The following ZNF423 variants were observed in gnomAD, a reference collection of about 807,000 sequenced individuals.
ZNF423 encodes the protein Ebf-associated zinc finger protein.
ZNF423 carries 12 observed loss-of-function variants against 95.8 expected under a neutral mutation model. The observed-to-expected ratio is 0.13, with a 90% CI of 0.08 to 0.20. ZNF423 has a LOEUF of 0.20. ZNF423 is among the 10% of genes least tolerant of loss of function. The pLI is 1.00. For missense variants in ZNF423, 1,316 were observed against 1,737.1 expected (o/e 0.76, Z 4.31); for synonymous variants, 749 against 711.9 (o/e 1.05, Z -0.83).
At chr16:49,702,902 T>TGCACGC (rs2032230777) in intron 3 of ZNF423, among the ~76,000 whole-genome samples, 1 of 130,816 alleles carries the variant, frequency 7.6e-6, no homozygotes, top group Admixed American at 8.5e-5. Context: ...CCTGCCTGTG[T>TGCACGC]GCACACGCAC....
chr16:49,548,332 C>T (rs1339016156), intron 5 of ZNF423, among the ~76,000 whole-genome samples: 1 of 152,164 alleles, frequency 6.6e-6, no homozygotes, highest in Admixed American at 6.5e-5. Context: ...TGGTCTAGAG[C>T]TCCCCAGAGG....
intron 5 of ZNF423, among the ~76,000 whole-genome samples, chr16:49,554,194 C>T (rs184118542): frequency 3.7e-4 from 57 of 152,346 alleles, no homozygotes; most frequent in Non-Finnish European, 3.4e-4. Flanking sequence ...ACAGCTCCAA[C>T]TCCACATTCA....
At chr16:49,822,394 G>A (rs111790821) in intron 1 of ZNF423, among the ~76,000 whole-genome samples, 5 of 152,116 alleles carry the variant, frequency 3.3e-5, no homozygotes, top group African/African-American at 9.6e-5. Flanking sequence ...AGTTGGTCTC[G>A]AACTCCTGAC....
intron 7 of ZNF423, among the ~76,000 whole-genome samples, chr16:49,521,920 C>A (rs947941813): frequency 6.6e-6 from 1 of 152,242 alleles, no homozygotes. Flanking sequence ...CCACCACCAG[C>A]TGTGCAGACA....
chr16:49,695,758 A>G (rs932873744), intron 3 of ZNF423, among the ~76,000 whole-genome samples: 21 of 152,238 alleles, frequency 1.4e-4, no homozygotes, highest in African/African-American at 5.1e-4. Flanking sequence ...TTGTTCATAA[A>G]GCAAAAAGAG....
intron 2 of ZNF423, among the ~76,000 whole-genome samples, chr16:49,774,141 G>A (rs1308360310): frequency 6.6e-6 from 1 of 152,196 alleles, no homozygotes; most frequent in Non-Finnish European, 1.5e-5. Flanking sequence ...GGGTCCTCAG[G>A]CCCTGTGGCT....
Position 49,724,977 on chromosome 16 carries a change from C to G in ZNF423, c.301+5794G>C, listed in dbSNP as rs191835516. 2.8e-3 allele frequency among the ~76,000 whole-genome samples: 424 copies of G among 152,286 alleles called. 2 individuals carry two copies. The Middle Eastern group carries it at 0.037, about 13-fold the overall frequency. Reference sequence around the variant, plus strand: ...ATCTGGAGTTTAGTTTGAAATTGCTCACAGTCCCCAATCTGTGTTCTCAAG... The same window carrying G: ...ATCTGGAGTTTAGTTTGAAATTGCTGACAGTCCCCAATCTGTGTTCTCAAG... On this transcript the variant is annotated intron_variant, in intron 3 of 7. Transcript: ENST00000563137.
At chr16:49,788,402 T>C (rs1206217188) in intron 2 of ZNF423, among the ~76,000 whole-genome samples, 2 of 152,192 alleles carry the variant, frequency 1.3e-5, no homozygotes, top group East Asian at 3.8e-4. Flanking sequence ...GTCAACTCAG[T>C]TTTTTCACTT....
intron 2 of ZNF423, among the ~76,000 whole-genome samples, chr16:49,735,076 G>A (rs544316831): frequency 6.6e-6 from 1 of 152,120 alleles, no homozygotes; most frequent in South Asian, 2.1e-4. Context: ...TTGGGAGTTT[G>A]TAAAACCCCT....
intron 1 of ZNF423, chr16:49,822,778 A>G: frequency 6.6e-7 from 1 of 1,519,696 alleles, no homozygotes; most frequent in East Asian, 2.3e-5. Context: ...GCAGGCTAGT[A>G]AGCATGTGCA....
At chr16:49,814,711 T>C (rs1205761670) in intron 1 of ZNF423, among the ~76,000 whole-genome samples, 1 of 151,264 alleles carries the variant, frequency 6.6e-6, no homozygotes, top group Admixed American at 6.6e-5. Flanking sequence ...AAAAAATTAA[T>C]CCGCAATGAG....
At chr16:49,847,220 CT>C (rs1420168840) in intron 1 of ZNF423, 3 of 152,222 alleles carry the variant, frequency 2.0e-5, no homozygotes, top group Admixed American at 2.0e-4. Context: ...AAGCCTAGAC[CT>C]TTGGGCCCAA....
At chr16:49,837,851 C>A (rs974474646) in intron 1 of ZNF423, among the ~76,000 whole-genome samples, 1 of 152,228 alleles carries the variant, frequency 6.6e-6, no homozygotes, top group African/African-American at 2.4e-5. Flanking sequence ...TCTTCCTACA[C>A]CAGCGGTCAC....
chr16:49,742,315 A>G (rs1043580433), intron 2 of ZNF423, among the ~76,000 whole-genome samples: 66 of 152,182 alleles, frequency 4.3e-4, no homozygotes, highest in Admixed American at 3.9e-3. Flanking sequence ...GAGTGGAAAG[A>G]AAAGAAGGCA....
At chr16:49,723,351 G>A (rs1406499776) in intron 3 of ZNF423, among the ~76,000 whole-genome samples, 2 of 152,188 alleles carry the variant, frequency 1.3e-5, no homozygotes, top group Non-Finnish European at 2.9e-5. Flanking sequence ...ATCAGAGACG[G>A]TACAGACCTT....
At chr16:49,539,691 G>A (rs1969183788) in intron 5 of ZNF423, among the ~76,000 whole-genome samples, 1 of 152,146 alleles carries the variant, frequency 6.6e-6, no homozygotes, top group East Asian at 1.9e-4. Context: ...GGGTGTGAGT[G>A]TAACAGAGAC....
At chr16:49,751,031 C>T (rs1011466959) in intron 2 of ZNF423, among the ~76,000 whole-genome samples, 12 of 152,192 alleles carry the variant, frequency 7.9e-5, no homozygotes, top group Non-Finnish European at 1.6e-4. Context: ...GCCCAGGACA[C>T]GCCATCAAAT....
At chr16:49,587,077 A>G (rs1420683) in intron 5 of ZNF423, among the ~76,000 whole-genome samples, 74,083 of 152,000 alleles carry the variant, frequency 0.49, 18,319 homozygotes, top group East Asian at 0.77. Context: ...ACTCGCTGTC[A>G]CAAAGAGAGG....
chr16:49,672,842 T>C (rs1872170321), intron 3 of ZNF423, among the ~76,000 whole-genome samples: 1 of 151,424 alleles, frequency 6.6e-6, no homozygotes, highest in South Asian at 2.1e-4. Context: ...ATAAGTACAA[T>C]AAAATAAAAT....
Sources: gnomAD v4.1 joint callset for allele counts (sites outside exome capture counted in the v4.1 genomes callset) on GRCh38, gnomAD v4.1.1 for gene constraint, MANE v1.5 for transcripts, NCBI Gene and HGNC (gene_info 2026-07-23, HGNC 2026-07-21) for gene names.